Variants in TENT2 observed in about 807,000 individuals in gnomAD.
TENT2 encodes the protein poly(A) RNA polymerase GLD2.
A neutral mutation model predicts 72.2 loss-of-function variants in TENT2; 44 were observed. The observed-to-expected ratio is 0.61, with a 90% CI of 0.48 to 0.78. The LOEUF (loss-of-function observed/expected upper bound fraction) is 0.78. TENT2 is among the 30% of genes least tolerant of loss of function. The probability of loss-of-function intolerance (pLI) is 0.00; values close to 1 mark genes in which losing one functional copy is unlikely to be tolerated. For missense variants in TENT2, 541 were observed against 569.6 expected (o/e 0.95, Z 0.51); for synonymous variants, 212 against 192.5 (o/e 1.10, Z -0.84).
At chr5:79,648,790 T>C (rs1791211796) in intron 9 of TENT2, 97 bp downstream of exon 9, 1 of 953,778 alleles carries the variant, frequency 1.0e-6, no homozygotes, top group South Asian at 1.7e-5. Flanking sequence ...TAGTTGTGTT[T>C]AAGTATAGTG....
intron 10 of TENT2, 23 bp from the exon 11 acceptor site, chr5:79,656,935 C>A: frequency 6.3e-7 from 1 of 1,587,380 alleles, no homozygotes; most frequent in Non-Finnish European, 8.6e-7. Context: ...ATCACGGAAG[C>A]TTTAAACTTT....
At chr5:79,659,468 G>A (rs1473618509) in intron 11 of TENT2, among the ~76,000 whole-genome samples, 1 of 140,326 alleles carries the variant, frequency 7.1e-6, no homozygotes, top group African/African-American at 2.7e-5. Context: ...GGAGGCGGAG[G>A]TTGCAGTGAG....
At chr5:79,629,382 C>T (rs142954375) in intron 4 of TENT2, among the ~76,000 whole-genome samples, 261 of 152,312 alleles carry the variant, frequency 1.7e-3, no homozygotes, top group African/African-American at 6.1e-3. Flanking sequence ...ACAAAAGTGA[C>T]AGTTGAAACA....
intron 10 of TENT2, among the ~76,000 whole-genome samples, chr5:79,651,240 A>G (rs1793744930): frequency 6.6e-6 from 1 of 152,018 alleles, no homozygotes; most frequent in South Asian, 2.1e-4. Flanking sequence ...CAGGTCTTTT[A>G]ATTCCAAAAG....
chr5:79,636,939 CATG>C (rs907801778), intron 4 of TENT2, among the ~76,000 whole-genome samples: 1 of 152,070 alleles, frequency 6.6e-6, no homozygotes, highest in African/African-American at 2.4e-5. Context: ...AAAATTAAAA[CATG>C]AGAGAAAAGG....
At position 79,685,704 on chromosome 5, in the gene TENT2, T is replaced by C. The variant is rs1478430146; in HGVS notation, c.*431T>C. ...GTTGTCAAAGTCTGTTCTAGTAAAG[T>C]GAAGATTCAAGTCAGTTGTTCAGTT... On this transcript the variant is annotated 3_prime_UTR_variant, in exon 15 of 15. Coordinates refer to ENST00000453514, the MANE Select transcript of TENT2 (RefSeq NM_001114394.3). 1 of 154,174 alleles carries C rather than the reference T, an allele frequency of 6.5e-6. No homozygotes were observed. The highest frequency in any genetic ancestry group is 1.9e-4 in the East Asian group (1 of 5,222). 9.6% of individuals were successfully genotyped at this position (154,174 alleles called of 1,614,324 possible).
chr5:79,635,492 A>G (rs1194214763), intron 4 of TENT2, among the ~76,000 whole-genome samples: 1 of 152,220 alleles, frequency 6.6e-6, no homozygotes, highest in Non-Finnish European at 1.5e-5. Context: ...CTGTTTCTAC[A>G]TTAACAAGGT....
In TENT2 at chr5:79,681,150, A is replaced by ATTTTTTTTT. The variant is rs1158559796; in HGVS notation, c.1301-812_1301-804dup. On this transcript the variant is annotated intron_variant, in intron 13 of 14. Transcript: ENST00000453514. The stretch of plus-strand genomic sequence containing the variant: ...AGTTACTTCTTTTTTCTTTTCTTTG[A>ATTTTTTTTT]TTTTTTTTTTTTTTTTTTTTTTTTT... Among the ~76,000 whole-genome samples the ATTTTTTTTT allele has an allele frequency of 1.9e-3, 83 of 44,764 alleles. 7 individuals carry two copies. Among genetic ancestry groups the ATTTTTTTTT allele is most frequent in the Non-Finnish European group, 2.3e-3 (55 of 23,580 alleles). The allele number at this position is 44,764 out of a possible 152,430, so 29.4% of individuals were successfully genotyped here.
In TENT2 at chr5:79,619,644, A is replaced by G; in HGVS notation, c.-5A>G. On this transcript the variant is annotated 5_prime_UTR_variant, in exon 2 of 15. Transcript: ENST00000453514. ...AATACATGTTCACTTCCAGTGAACAAGAGCATGTTCCCAAACTCAATTTTG... is the reference window on the plus strand; with the variant it reads ...AATACATGTTCACTTCCAGTGAACAGGAGCATGTTCCCAAACTCAATTTTG... The G allele has an allele frequency of 1.9e-6, 3 of 1,609,010 alleles. No individual in the cohort carries two copies. The highest frequency in any genetic ancestry group is 3.3e-4 in the Middle Eastern group (2 of 6,060).
intron 11 of TENT2, among the ~76,000 whole-genome samples, chr5:79,658,267 T>G (rs6877427): frequency 0.081 from 12,364 of 152,140 alleles, 831 homozygotes; most frequent in Admixed American, 0.17. Context: ...GTCTTTATGG[T>G]CTCTTAAACA....
chr5:79,651,585 G>T (rs1243851745), intron 10 of TENT2, among the ~76,000 whole-genome samples: 3 of 151,804 alleles, frequency 2.0e-5, no homozygotes, highest in Non-Finnish European at 2.9e-5. Flanking sequence ...TTCCACTTTT[G>T]GCACACACAC....
At chr5:79,632,302 C>A (rs896067929) in intron 4 of TENT2, among the ~76,000 whole-genome samples, 3 of 151,942 alleles carry the variant, frequency 2.0e-5, no homozygotes, top group African/African-American at 7.3e-5. Context: ...AAAATGAATA[C>A]CCTCTGAGTT....
At chr5:79,637,402 C>G (rs779565137) in intron 4 of TENT2, among the ~76,000 whole-genome samples, 8 of 151,894 alleles carry the variant, frequency 5.3e-5, no homozygotes, top group Non-Finnish European at 1.2e-4. Flanking sequence ...TTTGAGATGG[C>G]TTTTTCTGTA....
intron 7 of TENT2, among the ~76,000 whole-genome samples, chr5:79,644,063 C>G (rs1561511989): frequency 6.6e-6 from 1 of 151,322 alleles, no homozygotes; most frequent in Non-Finnish European, 1.5e-5. Flanking sequence ...GTCACTGCAA[C>G]CTCCACCTCC....
At chr5:79,615,831 G>A (rs888838598) in intron 1 of TENT2, among the ~76,000 whole-genome samples, 3 of 151,448 alleles carry the variant, frequency 2.0e-5, no homozygotes, top group African/African-American at 7.3e-5. Context: ...TCCCACCCCA[G>A]CCTCCAGAGT....
intron 11 of TENT2, among the ~76,000 whole-genome samples, chr5:79,666,651 T>C (rs1211302857): frequency 8.8e-6 from 1 of 113,322 alleles, no homozygotes; most frequent in African/African-American, 6.5e-5. Context: ...CATATTGCTA[T>C]GAAATTAATG....
chr5:79,642,841 C>T lies in TENT2; in HGVS notation c.682C>T (p.Gln228Ter), dbSNP rs1049890325. 6.2e-7 allele frequency: 1 copy of T among 1,608,126 alleles called. No homozygotes were observed. The highest frequency in any genetic ancestry group is 8.5e-7 in the Non-Finnish European group (1 of 1,177,554). ...ATTTTTAACTTTTCAGTGTTTTTTTCAGGTAAATCAGAAGACTGAAGCACG... is the reference window on the plus strand; with the variant it reads ...ATTTTTAACTTTTCAGTGTTTTTTTTAGGTAAATCAGAAGACTGAAGCACG... The part of the protein sequence containing the change: ...LVVKEEPCFF[Q>*]VNQKTEARHI... The change falls in exon 7 of 15, where the codon CAG becomes TAG. Residue 228 changes from glutamine (Q) to a stop codon, truncating the protein, a stop_gained. Coordinates refer to ENST00000453514, the MANE Select transcript of TENT2 (RefSeq NM_001114394.3). LOFTEE classifies it high-confidence loss of function.
At chr5:79,629,181 T>C (rs899977256) in intron 4 of TENT2, among the ~76,000 whole-genome samples, 2 of 152,220 alleles carry the variant, frequency 1.3e-5, no homozygotes, top group Admixed American at 1.3e-4. Flanking sequence ...ACAGTTATAA[T>C]TCTACAGTTA....
chr5:79,625,471 T>C (rs528552299), intron 4 of TENT2, among the ~76,000 whole-genome samples: 1 of 152,320 alleles, frequency 6.6e-6, no homozygotes, highest in African/African-American at 2.4e-5. Context: ...TAAGAAACCA[T>C]TGTTAAAGGT....
Sources: allele counts gnomAD v4.1 joint callset (sites outside exome capture counted in the v4.1 genomes callset), GRCh38; gene constraint gnomAD v4.1.1; transcripts MANE v1.5; gene names NCBI Gene and HGNC (gene_info 2026-07-23, HGNC 2026-07-21).